The following HIVEP3 variants were observed in gnomAD, a reference collection of about 807,000 sequenced individuals.
The protein encoded by HIVEP3 is transcription factor HIVEP3.
HIVEP3 carries 49 observed loss-of-function variants against 152.8 expected under a neutral mutation model. The observed-to-expected ratio is 0.32, with a 90% confidence interval of 0.26 to 0.41. HIVEP3 has a LOEUF of 0.41. Among genes scored for constraint, HIVEP3 ranks in the 10% least tolerant of loss-of-function variants. The pLI, the probability that HIVEP3 is intolerant of heterozygous loss-of-function variation, is 1.00. For synonymous variants in HIVEP3, 1,269 were observed against 1,289.0 expected, an observed-to-expected ratio of 0.98 and a Z score of 0.33; for missense variants, 2,790 against 3,103.3, an observed-to-expected ratio of 0.90 and a Z score of 2.40.
intron 3 of HIVEP3, among the ~76,000 whole-genome samples, chr1:41,612,220 T>A (rs968917527): frequency 1.1e-4 from 16 of 152,214 alleles, no homozygotes; most frequent in African/African-American, 3.6e-4. Context: ...TTGTCACCAC[T>A]GCCAGTTTCT....
intron 2 of HIVEP3, among the ~76,000 whole-genome samples, chr1:41,699,187 C>T (rs1646323449): frequency 6.6e-6 from 1 of 152,214 alleles, no homozygotes; most frequent in Admixed American, 6.5e-5. Flanking sequence ...CCGTGCTGGC[C>T]TCTCGCTTGA....
At chr1:41,717,998 T>C (rs548066229) in intron 1 of HIVEP3, among the ~76,000 whole-genome samples, 1 of 152,194 alleles carries the variant, frequency 6.6e-6, no homozygotes, top group African/African-American at 2.4e-5. Context: ...ATTATGGGGA[T>C]CATGGGATTC....
intron 1 of HIVEP3, among the ~76,000 whole-genome samples, chr1:41,902,437 C>T (rs1644640557): frequency 6.6e-6 from 1 of 152,160 alleles, no homozygotes; most frequent in African/African-American, 2.4e-5. Flanking sequence ...GGAATGTAAA[C>T]CGAACCTCCT....
chr1:41,933,776 G>C (rs1364067249), intron 1 of HIVEP3, among the ~76,000 whole-genome samples: 1 of 151,690 alleles, frequency 6.6e-6, no homozygotes, highest in Non-Finnish European at 1.5e-5. Flanking sequence ...AGCCTGGTTT[G>C]GGGGTGTGTG....
chr1:41,516,247 G>A (rs1052343310), intron 7 of HIVEP3, among the ~76,000 whole-genome samples: 27 of 146,708 alleles, frequency 1.8e-4, no homozygotes, highest in Non-Finnish European at 3.8e-4. Context: ...GCGCGCGGCG[G>A]GCGCCGCTGG....
chr1:42,003,539 G>C (rs2124525013), intron 1 of HIVEP3, among the ~76,000 whole-genome samples: 1 of 152,318 alleles, frequency 6.6e-6, no homozygotes, highest in African/African-American at 2.4e-5. Flanking sequence ...CCAGAAGGGA[G>C]AACAGTGGCG....
intron 1 of HIVEP3, among the ~76,000 whole-genome samples, chr1:41,758,858 G>A (rs1362327800): frequency 6.6e-6 from 1 of 152,214 alleles, no homozygotes; most frequent in Non-Finnish European, 1.5e-5. Context: ...CCTTTTAGGA[G>A]AATGGGGGGT....
intron 5 of HIVEP3, among the ~76,000 whole-genome samples, chr1:41,528,098 TCACACC>T: frequency 1.1e-5 from 1 of 94,554 alleles, no homozygotes; most frequent in Non-Finnish European, 2.1e-5. Flanking sequence ...ACCTTCACAC[TCACACC>T]CCACCCTCAC....
intron 1 of HIVEP3, among the ~76,000 whole-genome samples, chr1:41,940,636 G>A (rs1458491393): frequency 6.6e-6 from 1 of 152,134 alleles, no homozygotes; most frequent in African/African-American, 2.4e-5. Flanking sequence ...ACAGAGGCCA[G>A]GTAGTCAATG....
intron 1 of HIVEP3, among the ~76,000 whole-genome samples, chr1:42,017,563 A>G (rs1645530871): frequency 6.6e-6 from 1 of 151,992 alleles, no homozygotes; most frequent in African/African-American, 2.4e-5. Context: ...TCTCAGCATT[A>G]TGTTTGTGAC....
chr1:41,838,364 A>G (rs957667540), intron 1 of HIVEP3, among the ~76,000 whole-genome samples: 15 of 152,144 alleles, frequency 9.9e-5, no homozygotes, highest in Non-Finnish European at 1.6e-4. Context: ...CCACCAGGAC[A>G]ACCAAAAAGC....
intron 1 of HIVEP3, among the ~76,000 whole-genome samples, chr1:41,810,149 G>T (rs1408031151): frequency 6.6e-6 from 1 of 152,166 alleles, no homozygotes; most frequent in Non-Finnish European, 1.5e-5. Context: ...TCCCCCAGCT[G>T]CCCACAAGAC....
At chr1:41,788,173 C>A (rs1255188014) in intron 1 of HIVEP3, among the ~76,000 whole-genome samples, 3 of 152,126 alleles carry the variant, frequency 2.0e-5, no homozygotes, top group Admixed American at 6.5e-5. Context: ...GTGGCCACCC[C>A]CCGACAGTGA....
intron 1 of HIVEP3, among the ~76,000 whole-genome samples, chr1:41,888,098 T>C (rs532977361): frequency 1.5e-4 from 23 of 148,998 alleles, no homozygotes; most frequent in East Asian, 1.4e-3. Flanking sequence ...TGCAGTGGCG[T>C]GATCTCAGCT....
chr1:41,757,439 G>T (rs1647384409), intron 1 of HIVEP3, among the ~76,000 whole-genome samples: 1 of 151,744 alleles, frequency 6.6e-6, no homozygotes, highest in South Asian at 2.1e-4. Flanking sequence ...TTTTTAATTA[G>T]CTGAGAGTGG....
intron 1 of HIVEP3, among the ~76,000 whole-genome samples, chr1:41,903,713 G>A (rs1400562511): frequency 6.6e-6 from 1 of 152,122 alleles, no homozygotes; most frequent in Non-Finnish European, 1.5e-5. Context: ...CTGTTGAGCT[G>A]GCCAGGAGCT....
At chr1:41,993,656 AC>A (rs1357770170) in intron 1 of HIVEP3, among the ~76,000 whole-genome samples, 1 of 152,112 alleles carries the variant, frequency 6.6e-6, no homozygotes, top group Non-Finnish European at 1.5e-5. Context: ...CTGGGTATAT[AC>A]CCAAAGGACT....
intron 1 of HIVEP3, among the ~76,000 whole-genome samples, chr1:41,825,434 CTAA>C (rs1393100288): frequency 1.3e-5 from 2 of 152,042 alleles, no homozygotes; most frequent in African/African-American, 4.8e-5. Context: ...CCACGCCCAG[CTAA>C]TATTTTCTAT....
At chr1:41,806,592 T>C (rs1650625880) in intron 1 of HIVEP3, among the ~76,000 whole-genome samples, 1 of 152,184 alleles carries the variant, frequency 6.6e-6, no homozygotes, top group African/African-American at 2.4e-5. Context: ...GAAGCACTGA[T>C]CTCCACCCGG....
Sources: allele counts gnomAD v4.1 joint callset (sites outside exome capture counted in the v4.1 genomes callset), GRCh38; gene constraint gnomAD v4.1.1; transcripts MANE v1.5; gene names NCBI Gene and HGNC (gene_info 2026-07-23, HGNC 2026-07-21).